DPP6: variants seen among roughly 807,000 people sequenced by gnomAD.
DPP6 encodes dipeptidyl peptidase like 6.
In DPP6, 69 loss-of-function variants were observed where a neutral mutation model predicts 122.6. The observed-to-expected ratio is 0.56, with a 90% CI of 0.46 to 0.69. The LOEUF (loss-of-function observed/expected upper bound fraction) is 0.69. DPP6 is among the 30% of genes least tolerant of loss of function. The probability of loss-of-function intolerance (pLI) is 0.00; values close to 1 mark genes in which losing one functional copy is unlikely to be tolerated. For synonymous variants in DPP6, 418 were observed against 433.1 expected (o/e 0.97, Z 0.43); for missense variants, 928 against 1,116.9 (o/e 0.83, Z 2.41).
At chr7:154,815,199 A>G (rs1488880690) in intron 16 of DPP6, among the ~76,000 whole-genome samples, 3 of 152,222 alleles carry the variant, frequency 2.0e-5, no homozygotes, top group Non-Finnish European at 4.4e-5. Context: ...TGGAAGCAGC[A>G]AGGGGGTCAC....
At chr7:154,718,580 CCA>C in intron 7 of DPP6, among the ~76,000 whole-genome samples, 1 of 151,898 alleles carries the variant, frequency 6.6e-6, no homozygotes, top group Middle Eastern at 3.4e-3. Context: ...ACTGTGGAAC[CCA>C]CAGTGAGGTC....
chr7:153,860,354 C>T, the DPP6 span, among the ~76,000 whole-genome samples: 1 of 152,118 alleles, frequency 6.6e-6, no homozygotes, highest in African/African-American at 2.4e-5. Flanking sequence ...CTGGCAGAAG[C>T]TCCATTGCCC....
rs1804551355 is a variant in DPP6 at position 154,282,067 on chromosome 7, C to T, written c.244-164147C>T. Among the ~76,000 whole-genome samples the T allele has an allele frequency of 6.6e-6, 1 of 152,112 alleles. No individual in the cohort carries two copies. Among genetic ancestry groups the T allele is most frequent in the Non-Finnish European group, 1.5e-5 (1 of 68,016 alleles). ...CCCTGTCCAATGGGGAGATTGACCTCACCTGAGAGAGTGTCCTGAGAACCA... is the reference window on the plus strand; with the variant it reads ...CCCTGTCCAATGGGGAGATTGACCTTACCTGAGAGAGTGTCCTGAGAACCA... On this transcript the variant is annotated intron_variant, in intron 1 of 25. Coordinates refer to ENST00000377770, the MANE Select transcript of DPP6 (RefSeq NM_130797.4). This position sits in a 1 kb window ranked among gnomAD's most constrained non-coding sequence, Gnocchi z 4.8.
chr7:153,846,249 G>C, the DPP6 span, among the ~76,000 whole-genome samples: 9 of 152,062 alleles, frequency 5.9e-5, no homozygotes, highest in African/African-American at 9.7e-5. Flanking sequence ...CTGTACTACT[G>C]GCTTTTCAAA....
chr7:154,089,833 G>T (rs1253966572), intron 1 of DPP6, among the ~76,000 whole-genome samples: 2 of 151,952 alleles, frequency 1.3e-5, no homozygotes, highest in Non-Finnish European at 2.9e-5. Context: ...ATTATCAGTA[G>T]CAGATTTCAC....
chr7:154,612,645 C>T (rs903003894), intron 5 of DPP6, among the ~76,000 whole-genome samples: 2 of 152,112 alleles, frequency 1.3e-5, no homozygotes, highest in Non-Finnish European at 2.9e-5. Context: ...GTTTTCATTT[C>T]TCTGGGATTC....
At chr7:154,612,482 A>G (rs1586731978) in intron 5 of DPP6, among the ~76,000 whole-genome samples, 1 of 129,254 alleles carries the variant, frequency 7.7e-6, no homozygotes, top group Admixed American at 8.4e-5. Flanking sequence ...TCATGTATCC[A>G]TAGCGGGTTC....
intron 1 of DPP6, among the ~76,000 whole-genome samples, chr7:154,156,793 A>AGT (rs1796703444): frequency 6.7e-6 from 1 of 148,508 alleles, no homozygotes; most frequent in African/African-American, 2.5e-5. Context: ...AGGTAGGTAG[A>AGT]TAGATAGATA....
chr7:154,872,754 A>G, intron 19 of DPP6, 61 bp downstream of exon 19: 1 of 1,555,324 alleles, frequency 6.4e-7, no homozygotes, highest in South Asian at 1.2e-5. Flanking sequence ...GACACCCATG[A>G]TAAAGGAATA....
At position 154,814,146 on chromosome 7, in the gene DPP6, A is replaced by G. The variant is rs753376764; in HGVS notation, c.1666+7034A>G. On this transcript the variant is annotated intron_variant, in intron 16 of 25. Coordinates refer to ENST00000377770, the MANE Select transcript of DPP6 (RefSeq NM_130797.4). The stretch of plus-strand genomic sequence containing the variant: ...TCCACCTGCCTCGGCCTCCCAAAGT[A>G]CTGGGATTACAGGCTTTGAGCCACG... Among the ~76,000 whole-genome samples, 123 of 152,092 alleles carry G rather than the reference A, an allele frequency of 8.1e-4. 1 individual carries two copies. The highest frequency in any genetic ancestry group is 1.5e-3 in the Non-Finnish European group (104 of 67,986).
intron 8 of DPP6, among the ~76,000 whole-genome samples, chr7:154,746,445 G>C (rs1344885290): frequency 6.6e-6 from 1 of 152,060 alleles, no homozygotes; most frequent in South Asian, 2.1e-4. Context: ...TCCTTCCATC[G>C]TGAGGTCTGC....
intron 6 of DPP6, among the ~76,000 whole-genome samples, chr7:154,644,749 A>T (rs1374384757): frequency 7.0e-6 from 1 of 143,718 alleles, no homozygotes; most frequent in African/African-American, 2.6e-5. Context: ...TGGCTCTGTC[A>T]CCAGGTTGAA....
At chr7:154,658,744 G>A (rs573575423) in intron 6 of DPP6, among the ~76,000 whole-genome samples, 18 of 152,330 alleles carry the variant, frequency 1.2e-4, no homozygotes, top group African/African-American at 4.1e-4. Flanking sequence ...GTACAAGAGA[G>A]ATGTAAGGAG....
At chr7:154,752,757 G>A (rs2131470146) in intron 8 of DPP6, among the ~76,000 whole-genome samples, 1 of 152,354 alleles carries the variant, frequency 6.6e-6, no homozygotes, top group Non-Finnish European at 1.5e-5. Flanking sequence ...CTAGGATGTG[G>A]ATGGCACAGA....
chr7:154,432,520 G>C (rs968869778), intron 1 of DPP6, among the ~76,000 whole-genome samples: 1 of 152,158 alleles, frequency 6.6e-6, no homozygotes. Flanking sequence ...TGATCTAGGG[G>C]TTTTCGGGGG....
intron 3 of DPP6, among the ~76,000 whole-genome samples, chr7:154,480,052 T>A (rs1823120551): frequency 6.9e-6 from 1 of 145,340 alleles, no homozygotes; most frequent in Non-Finnish European, 1.5e-5. Flanking sequence ...ACCTGTCTGC[T>A]GTCTGCACTC....
At chr7:153,920,116 C>A (rs1246264330) in intron 1 of DPP6, among the ~76,000 whole-genome samples, 1 of 152,168 alleles carries the variant, frequency 6.6e-6, no homozygotes, top group Non-Finnish European at 1.5e-5. Context: ...CACATACTTG[C>A]TGCTGTTGAC....
intron 16 of DPP6, among the ~76,000 whole-genome samples, chr7:154,810,550 G>C (rs757341855): frequency 6.6e-6 from 1 of 152,200 alleles, no homozygotes; most frequent in Admixed American, 6.5e-5. Flanking sequence ...TATTTGCAAG[G>C]CTTGTGTTGT....
At position 153,942,440 on chromosome 7, in the gene DPP6, G is replaced by A. The variant is rs561756104; in HGVS notation, c.51+54706G>A. Among the ~76,000 whole-genome samples the A allele has an allele frequency of 2.3e-3, 348 of 152,334 alleles. 1 individual carries two copies. Among genetic ancestry groups the A allele is most frequent in the African/African-American group, 7.8e-3 (323 of 41,570 alleles). ...GAGATCTTGAGGGTGTGGACAGGTG[G>A]CCCTCAGAGGCATTGGCTGGAATTG... On this transcript the variant is annotated intron_variant, in intron 1 of 25. Coordinates refer to the DPP6 transcript ENST00000404039.
Sources: gnomAD v4.1 joint callset for allele counts (sites outside exome capture counted in the v4.1 genomes callset) on GRCh38, gnomAD v4.1.1 for gene constraint, Gnocchi (gnomAD v3.1) non-coding constraint, MANE v1.5 for transcripts, NCBI Gene and HGNC (gene_info 2026-07-23, HGNC 2026-07-21) for gene names.